EPB41L4A: variants seen among roughly 807,000 people sequenced by gnomAD.
EPB41L4A encodes erythrocyte membrane protein band 4.1 like 4A.
EPB41L4A carries 100 observed loss-of-function variants against 108.6 expected under a neutral mutation model. That is an observed-to-expected ratio of 0.92 (90% CI 0.78 to 1.09). The LOEUF is 1.09. Among genes scored for constraint, EPB41L4A ranks in the 50% least tolerant of loss-of-function variants. The pLI is 0.00. For missense variants in EPB41L4A, 1,030 were observed against 842.7 expected, an observed-to-expected ratio of 1.22 and a Z score of -2.75; for synonymous variants, 319 against 289.0, an observed-to-expected ratio of 1.10 and a Z score of -1.05.
At chr5:112,169,875 G>A (rs548600633) in intron 20 of EPB41L4A, 2 of 179,968 alleles carry the variant, frequency 1.1e-5, no homozygotes, top group South Asian at 2.5e-4. Flanking sequence ...TCTTACACTG[G>A]TGACTAAGGA....
intron 1 of EPB41L4A, among the ~76,000 whole-genome samples, chr5:112,351,902 G>C (rs1341295451): frequency 6.6e-6 from 1 of 152,096 alleles, no homozygotes; most frequent in Non-Finnish European, 1.5e-5. Flanking sequence ...AGAACCATAA[G>C]ATCATCTTGG....
chr5:112,168,796 T>A lies in EPB41L4A; in HGVS notation c.1875A>T (p.Pro625=). 1 of 1,614,094 alleles carries A rather than the reference T, an allele frequency of 6.2e-7. No homozygotes were observed. The highest frequency in any genetic ancestry group is 1.1e-5 in the South Asian group (1 of 91,082). Residue 625 remains proline (P), a synonymous_variant, in exon 22 of 23, where the codon CCA becomes CCT. Coordinates refer to ENST00000261486, the MANE Select transcript of EPB41L4A (RefSeq NM_022140.5). ...EVNSKTDLVP[P]LPVTRSSDAQ... ...CATCCGAAGAACGGGTCACCGGAAG[T>A]GGTGGTACAAGATCTGTTTTTGAAC...
At chr5:112,329,606 C>G (rs1187552569) in intron 1 of EPB41L4A, among the ~76,000 whole-genome samples, 1 of 152,166 alleles carries the variant, frequency 6.6e-6, no homozygotes, top group Non-Finnish European at 1.5e-5. Flanking sequence ...TCCTGCCTTC[C>G]GGTTCATGGC....
At chr5:112,245,603 G>T (rs990007851) in intron 9 of EPB41L4A, among the ~76,000 whole-genome samples, 14 of 152,120 alleles carry the variant, frequency 9.2e-5, no homozygotes, top group Non-Finnish European at 4.4e-5. Context: ...CTAAAATATA[G>T]CAAGTGGAAA....
intron 1 of EPB41L4A, among the ~76,000 whole-genome samples, chr5:112,329,467 C>A (rs1676455136): frequency 6.6e-6 from 1 of 152,194 alleles, no homozygotes; most frequent in Non-Finnish European, 1.5e-5. Context: ...CCTGGCTCTG[C>A]TATTAACTAG....
chr5:112,217,841 G>A (rs1438386791), intron 12 of EPB41L4A, among the ~76,000 whole-genome samples: 5 of 152,132 alleles, frequency 3.3e-5, no homozygotes, highest in Non-Finnish European at 7.3e-5. Context: ...AAAGCTGGAG[G>A]GTAGATTATA....
intron 15 of EPB41L4A, 122 bp downstream of exon 15, chr5:112,204,253 A>C: frequency 1.6e-6 from 1 of 628,776 alleles, no homozygotes; most frequent in South Asian, 2.5e-5. Flanking sequence ...AAAAAGAGTA[A>C]GCTGCTTGTT....
Position 112,339,520 on chromosome 5 carries a change from A to C in EPB41L4A, c.100-32030T>G, listed in dbSNP as rs1447419038. ...TCTATATATATATATAGATATATAG[A>C]TATATATCTATATATATATATATTT... is the stretch of plus-strand genomic sequence containing the variant. On this transcript the variant is annotated intron_variant, in intron 1 of 22. Coordinates refer to ENST00000261486, the MANE Select transcript of EPB41L4A (RefSeq NM_022140.5). 1.1e-3 allele frequency among the ~76,000 whole-genome samples: 59 copies of C among 52,514 alleles called. 2 individuals carry two copies. The Admixed American group carries it at 0.014, about 12-fold the overall frequency. The allele number at this position is 52,514 out of a possible 152,430, so 34.5% of individuals were successfully genotyped here.
chr5:112,189,969 C>T (rs1362285874), intron 17 of EPB41L4A, among the ~76,000 whole-genome samples: 1 of 152,158 alleles, frequency 6.6e-6, no homozygotes, highest in African/African-American at 2.4e-5. Context: ...CCTCCTTCAT[C>T]CTACACCCTG....
chr5:112,245,452 T>G (rs1397934114), intron 9 of EPB41L4A, among the ~76,000 whole-genome samples: 1 of 152,166 alleles, frequency 6.6e-6, no homozygotes, highest in African/African-American at 2.4e-5. Context: ...GCTGCCCAAC[T>G]TAGGAGTTTA....
chr5:112,293,224 T>C (rs1416163431), intron 2 of EPB41L4A, among the ~76,000 whole-genome samples: 1 of 152,154 alleles, frequency 6.6e-6, no homozygotes, highest in Non-Finnish European at 1.5e-5. Context: ...ATTTTTTTTT[T>C]TAACTTTTAA....
intron 7 of EPB41L4A, among the ~76,000 whole-genome samples, chr5:112,260,249 T>C (rs1393081230): frequency 6.6e-6 from 1 of 152,250 alleles, no homozygotes; most frequent in African/African-American, 2.4e-5. Flanking sequence ...CCAATGGGAC[T>C]TACCCAACTT....
At chr5:112,248,532 C>T (rs7715255) in intron 9 of EPB41L4A, among the ~76,000 whole-genome samples, 2 of 151,926 alleles carry the variant, frequency 1.3e-5, no homozygotes, top group Non-Finnish European at 2.9e-5. Context: ...TGAGTCACTT[C>T]TAAGTCCAAT....
intron 1 of EPB41L4A, among the ~76,000 whole-genome samples, chr5:112,333,130 T>C (rs963626972): frequency 6.6e-6 from 1 of 151,254 alleles, no homozygotes; most frequent in African/African-American, 2.4e-5. Context: ...GACTATTATC[T>C]TTCTCTATCG....
intron 2 of EPB41L4A, among the ~76,000 whole-genome samples, chr5:112,287,711 G>A (rs572664405): frequency 6.6e-6 from 1 of 152,302 alleles, no homozygotes; most frequent in South Asian, 2.1e-4. Flanking sequence ...AGGACCTTAA[G>A]GAGAGTATTG....
intron 1 of EPB41L4A, among the ~76,000 whole-genome samples, chr5:112,318,653 C>G (rs932889362): frequency 6.6e-6 from 1 of 152,158 alleles, no homozygotes; most frequent in African/African-American, 2.4e-5. Context: ...TCCTGACCAA[C>G]AAGTCATAAG....
chr5:112,241,877 G>A (rs1429202679), intron 9 of EPB41L4A, among the ~76,000 whole-genome samples: 1 of 152,112 alleles, frequency 6.6e-6, no homozygotes, highest in East Asian at 1.9e-4. Context: ...TCCTAGAGCA[G>A]GTAAAAGTTG....
chr5:112,167,123 C>CAAAAAAA (rs10642511), intron 22 of EPB41L4A, among the ~76,000 whole-genome samples: 1 of 110,572 alleles, frequency 9.0e-6, no homozygotes, highest in Non-Finnish European at 1.8e-5. Context: ...AAATTTAAGA[C>CAAAAAAA]AAAAAAAAAA....
chr5:112,272,237 C>A (rs915100906), intron 4 of EPB41L4A, among the ~76,000 whole-genome samples: 1 of 149,856 alleles, frequency 6.7e-6, no homozygotes, highest in Admixed American at 6.7e-5. Flanking sequence ...CGGGTTCAAG[C>A]GATTCTCCTG....
Sources: gnomAD v4.1 joint callset for allele counts (sites outside exome capture counted in the v4.1 genomes callset) on GRCh38, gnomAD v4.1.1 for gene constraint, MANE v1.5 for transcripts, NCBI Gene and HGNC (gene_info 2026-07-23, HGNC 2026-07-21) for gene names.